Variants in FSTL4 observed in about 807,000 individuals in gnomAD.
FSTL4 encodes the protein follistatin like 4, also known as follistatin-related protein 4.
Under a neutral mutation model 78.2 loss-of-function variants are expected in FSTL4, and 28 were observed. The observed-to-expected ratio is 0.36, with a 90% CI of 0.27 to 0.49. The LOEUF is 0.49. FSTL4 is among the 20% of genes least tolerant of loss of function. The pLI is 0.98. For missense variants in FSTL4, 922 were observed against 1,084.9 expected (o/e 0.85, Z 2.11); for synonymous variants, 422 against 440.5 (o/e 0.96, Z 0.53).
intron 3 of FSTL4, among the ~76,000 whole-genome samples, chr5:133,557,515 GGTGAC>G (rs1759814719): frequency 6.6e-6 from 1 of 152,218 alleles, no homozygotes; most frequent in Non-Finnish European, 1.5e-5. Context: ...CGGTATGGCT[GGTGAC>G]TTCAGGAAAC....
intron 6 of FSTL4, among the ~76,000 whole-genome samples, chr5:133,282,276 G>A (rs958901350): frequency 3.3e-5 from 5 of 152,098 alleles, no homozygotes; most frequent in African/African-American, 1.2e-4. Flanking sequence ...CATGAACACG[G>A]CCAGGAGCAC....
the FSTL4 span, among the ~76,000 whole-genome samples, chr5:133,705,723 T>C: frequency 6.6e-6 from 1 of 152,080 alleles, no homozygotes; most frequent in Admixed American, 6.5e-5. Flanking sequence ...AATCTCTCCA[T>C]CCCTGTGATG....
In FSTL4 at chr5:133,201,429, G is replaced by T. The variant is rs191466311; in HGVS notation, c.1826+504C>A. Reference sequence around the variant, plus strand: ...CTCTGGGGGTTCCTAAAGTATTATGGGCTGTGGTTAGATGGGAATGTGGAA... The same window carrying T: ...CTCTGGGGGTTCCTAAAGTATTATGTGCTGTGGTTAGATGGGAATGTGGAA... On this transcript the variant is annotated intron_variant, in intron 15 of 15. Coordinates refer to ENST00000265342, the MANE Select transcript of FSTL4 (RefSeq NM_015082.2). Among the ~76,000 whole-genome samples, 4 of 152,290 alleles carry T rather than the reference G, an allele frequency of 2.6e-5. No homozygotes were observed. The East Asian group carries it at 7.7e-4, about 29-fold the overall frequency.
chr5:133,199,109 C>T lies in FSTL4; in HGVS notation c.2515G>A (p.Val839Met), dbSNP rs750751038. Reference protein sequence around the residue: ...GIKGGTTVVWVGEV With the variant: ...GIKGGTTVVWMGEV ...CTCTGGGCCCTTCATACCTCACCCA[C>T]CCACACCACTGTGGTCCCCCCCTTT... Residue 839 changes from valine (V) to methionine (M), a missense_variant, in exon 16 of 16, where the codon GTG (valine) becomes ATG (methionine). Coordinates refer to ENST00000265342, the MANE Select transcript of FSTL4 (RefSeq NM_015082.2). The surrounding 1 kb of genome is among the most constrained non-coding windows in gnomAD (Gnocchi z 4.4). The T allele has an allele frequency of 1.3e-6, 2 of 1,548,516 alleles. No homozygotes were observed. The highest frequency in any genetic ancestry group is 1.8e-5 in the Admixed American group (1 of 54,446).
chr5:133,291,078 C>T (rs1753252411), intron 6 of FSTL4, among the ~76,000 whole-genome samples: 1 of 152,234 alleles, frequency 6.6e-6, no homozygotes, highest in South Asian at 2.1e-4. Flanking sequence ...CAACCGCCCA[C>T]TTGGAAGCAC....
chr5:133,295,765 T>C (rs753612331), intron 6 of FSTL4, among the ~76,000 whole-genome samples: 3 of 152,192 alleles, frequency 2.0e-5, no homozygotes, highest in Admixed American at 6.5e-5. Flanking sequence ...TCCTAGGACA[T>C]TGCACTTGCC....
At chr5:133,217,836 C>T (rs761327401) in intron 12 of FSTL4, among the ~76,000 whole-genome samples, 7 of 152,108 alleles carry the variant, frequency 4.6e-5, no homozygotes, top group Non-Finnish European at 7.4e-5. Flanking sequence ...TTGACTCCCT[C>T]TGTTCCCTCC....
At chr5:133,691,389 C>A in the FSTL4 span, among the ~76,000 whole-genome samples, 1 of 152,104 alleles carries the variant, frequency 6.6e-6, no homozygotes, top group Non-Finnish European at 1.5e-5. Context: ...AGACTCCCAC[C>A]AGATGGATGC....
chr5:133,676,870 A>G, the FSTL4 span, among the ~76,000 whole-genome samples: 3 of 152,190 alleles, frequency 2.0e-5, no homozygotes, highest in Admixed American at 1.3e-4. Flanking sequence ...TATTCTGTTG[A>G]GTCTTTTGAT....
chr5:133,751,238 A>G, the FSTL4 span, among the ~76,000 whole-genome samples: 1 of 152,222 alleles, frequency 6.6e-6, no homozygotes, highest in African/African-American at 2.4e-5. Flanking sequence ...CCCAGGAAAC[A>G]GGACACAGGC....
chr5:133,470,507 C>T (rs745658521), intron 3 of FSTL4, among the ~76,000 whole-genome samples: 15 of 152,016 alleles, frequency 9.9e-5, no homozygotes, highest in Non-Finnish European at 2.1e-4. Context: ...CATTTTGGGA[C>T]GCTGAGGCAG....
intron 5 of FSTL4, among the ~76,000 whole-genome samples, chr5:133,314,858 C>A (rs1753866313): frequency 6.6e-6 from 1 of 152,086 alleles, no homozygotes; most frequent in South Asian, 2.1e-4. Context: ...TACTGATGAC[C>A]TCTCTATTGA....
intron 6 of FSTL4, among the ~76,000 whole-genome samples, chr5:133,258,607 C>T (rs1313091295): frequency 6.6e-6 from 1 of 152,162 alleles, no homozygotes; most frequent in Admixed American, 6.5e-5. Context: ...AGTCATCATC[C>T]ATGCTCTCCT....
At chr5:133,341,739 C>A (rs1419083089) in intron 4 of FSTL4, among the ~76,000 whole-genome samples, 9 of 152,128 alleles carry the variant, frequency 5.9e-5, no homozygotes, top group Admixed American at 5.9e-4. Context: ...TTAGGAAACC[C>A]TAGGTGTCAA....
the FSTL4 span, among the ~76,000 whole-genome samples, chr5:133,754,716 T>G: frequency 6.6e-6 from 1 of 152,210 alleles, no homozygotes. Context: ...AGGTCCACGC[T>G]CTGGGGACAA....
chr5:133,650,881 A>G, the FSTL4 span, among the ~76,000 whole-genome samples: 1 of 152,200 alleles, frequency 6.6e-6, no homozygotes, highest in African/African-American at 2.4e-5. Context: ...CTATCCAGGA[A>G]CATGAAATAT....
At chr5:133,332,233 C>G (rs1431041526) in intron 4 of FSTL4, among the ~76,000 whole-genome samples, 1 of 152,218 alleles carries the variant, frequency 6.6e-6, no homozygotes, top group African/African-American at 2.4e-5. Flanking sequence ...GGGAAAGGAG[C>G]GAAAGCAGCA....
At chr5:133,320,835 G>T (rs11749333) in intron 4 of FSTL4, among the ~76,000 whole-genome samples, 99,483 of 151,368 alleles carry the variant, frequency 0.66, 32,977 homozygotes, top group Middle Eastern at 0.7. Context: ...GTGAAACCCC[G>T]TCTCTACCAA....
intron 4 of FSTL4, among the ~76,000 whole-genome samples, chr5:133,394,094 T>C (rs529348498): frequency 6.6e-6 from 1 of 152,388 alleles, no homozygotes; most frequent in South Asian, 2.1e-4. Flanking sequence ...TGGCTCTGCC[T>C]GTGTGACTTG....
Sources: allele counts gnomAD v4.1 joint callset (sites outside exome capture counted in the v4.1 genomes callset), GRCh38; gene constraint gnomAD v4.1.1; non-coding constraint Gnocchi (gnomAD v3.1); transcripts MANE v1.5; gene names NCBI Gene and HGNC (gene_info 2026-07-23, HGNC 2026-07-21).